SMAP2: variants seen among roughly 807,000 people sequenced by gnomAD.
The protein encoded by SMAP2 is stromal membrane-associated protein 2.
Under a neutral mutation model 56.4 loss-of-function variants are expected in SMAP2, and 25 were observed. The ratio of observed to expected loss-of-function variants is 0.44; its 90% CI spans 0.32 to 0.62. The LOEUF is 0.62. Ranked by LOEUF, SMAP2 falls within the 20% of genes least tolerant of loss-of-function variation. The pLI, the probability that SMAP2 is intolerant of heterozygous loss-of-function variation, is 0.04. For synonymous variants in SMAP2, 157 were observed against 181.7 expected (o/e 0.86, Z 1.09); for missense variants, 388 against 545.6 (o/e 0.71, Z 2.88).
At chr1:40,414,361 C>T (rs1644966865) in intron 6 of SMAP2, 121 bp downstream of exon 6, 1 of 846,096 alleles carries the variant, frequency 1.2e-6, no homozygotes, top group Non-Finnish European at 1.9e-6. Context: ...ACTGTTCTCT[C>T]ACATTCTTCC....
At chr1:40,377,356 C>T (rs1020933573) in intron 1 of SMAP2, among the ~76,000 whole-genome samples, 1 of 152,154 alleles carries the variant, frequency 6.6e-6, no homozygotes, top group Non-Finnish European at 1.5e-5. Context: ...CTTTTTACTT[C>T]GTACAAGTTT....
intron 1 of SMAP2, among the ~76,000 whole-genome samples, chr1:40,347,789 C>A (rs893197669): frequency 5.3e-5 from 8 of 152,158 alleles, no homozygotes; most frequent in Admixed American, 4.6e-4. Context: ...ATTTGTGGTA[C>A]ATATTCTTCC....
chr1:40,364,583 A>G (rs1644474036), intron 2 of SMAP2, among the ~76,000 whole-genome samples: 1 of 152,156 alleles, frequency 6.6e-6, no homozygotes, highest in African/African-American at 2.4e-5. Flanking sequence ...TCTCTACAAA[A>G]AATACACAAA....
chr1:40,374,022 C>T lies in SMAP2; in HGVS notation c.-99C>T. On this transcript the variant is annotated 5_prime_UTR_variant, in exon 1 of 10. Transcript: ENST00000372718. This position sits in a 1 kb window ranked among gnomAD's most constrained non-coding sequence, Gnocchi z 5.9. ...GGGCTCTCCCCGCTCAGGAGGTGCC[C>T]CTGGGCGGGGGACCGGGAGTCCTCA... is the stretch of plus-strand genomic sequence containing the variant. 2 of 904,818 alleles carry T rather than the reference C, an allele frequency of 2.2e-6. No individual in the cohort carries two copies. The highest frequency in any genetic ancestry group is 1.5e-5 in the South Asian group (1 of 68,742). The allele number at this position is 904,818 out of a possible 1,614,324, so 56.0% of individuals were successfully genotyped here. A position where few individuals can be genotyped will look rare whatever the true frequency, so the allele number is the denominator to read the frequency against.
intron 1 of SMAP2, among the ~76,000 whole-genome samples, chr1:40,404,164 ATT>A (rs1177210388): frequency 6.6e-6 from 1 of 152,148 alleles, no homozygotes; most frequent in Non-Finnish European, 1.5e-5. Flanking sequence ...TATAAGTAAC[ATT>A]TGTCTCTTTT....
At chr1:40,349,430 C>G (rs1644401359) in intron 1 of SMAP2, among the ~76,000 whole-genome samples, 1 of 152,226 alleles carries the variant, frequency 6.6e-6, no homozygotes, top group South Asian at 2.1e-4. Context: ...TATCTTGCCT[C>G]AAGTCACACA....
In SMAP2 at chr1:40,360,239, C is replaced by G. The variant is rs1017309509; in HGVS notation, c.-82-2061C>G. Among the ~76,000 whole-genome samples the G allele has an allele frequency of 5.9e-5, 9 of 151,270 alleles. No homozygotes were observed. The South Asian group carries it at 1.2e-3, about 21-fold the overall frequency. On this transcript the variant is annotated intron_variant, in intron 1 of 6. Coordinates refer to the SMAP2 transcript ENST00000435168. ...GCCAGGATGGTCTCGATCTCCTGACCTCATGATCCGCCTGCCTCGGCCTCC... is the reference window on the plus strand; with the variant it reads ...GCCAGGATGGTCTCGATCTCCTGACGTCATGATCCGCCTGCCTCGGCCTCC...
intron 1 of SMAP2, among the ~76,000 whole-genome samples, chr1:40,387,028 T>G (rs1644663468): frequency 6.6e-6 from 1 of 152,090 alleles, no homozygotes; most frequent in Non-Finnish European, 1.5e-5. Flanking sequence ...AATTTTTGTA[T>G]TTTTAGTACA....
chr1:40,395,878 T>C (rs1415188977), intron 1 of SMAP2, among the ~76,000 whole-genome samples: 2 of 152,232 alleles, frequency 1.3e-5, no homozygotes, highest in Non-Finnish European at 2.9e-5. Flanking sequence ...AGTTAACTGC[T>C]GAATTAGTTT....
chr1:40,417,230 T>C, intron 9 of SMAP2, 134 bp downstream of exon 9: 2 of 249,516 alleles, frequency 8.0e-6, no homozygotes, highest in South Asian at 9.4e-5. Flanking sequence ...TAGGTTTGCT[T>C]TTTTTTTTTT....
At position 40,393,865 on chromosome 1, in the gene SMAP2, G is replaced by A. The variant is rs140294019; in HGVS notation, c.104-12871G>A. On this transcript the variant is annotated intron_variant, in intron 1 of 9. Transcript: ENST00000372718. ...CGGCCACTTCTAACCTTTTTAAGGA[G>A]TATTTGCGTGAACAGAATCAATGAG... 4.0e-3 allele frequency among the ~76,000 whole-genome samples: 610 copies of A among 152,242 alleles called. 4 individuals carry two copies. Among genetic ancestry groups the A allele is most frequent in the African/African-American group, 0.014 (582 of 41,534 alleles).
chr1:40,410,612 C>G (rs16827281), intron 4 of SMAP2, among the ~76,000 whole-genome samples: 8,199 of 152,108 alleles, frequency 0.054, 360 homozygotes, highest in East Asian at 0.19. Flanking sequence ...GGACTGATTG[C>G]CAATGGGACC....
rs564453534 is a variant in SMAP2, at chr1:40,411,764, TGTC to T, written c.403-1249_403-1247del. On this transcript the variant is annotated intron_variant, in intron 4 of 9. Transcript: ENST00000372718. ...TAAAACATTTTTAACTTAAATGAAA[TGTC>T]GTGTTAAAGACATACACTTTGTATG... Among the ~76,000 whole-genome samples the T allele has an allele frequency of 1.2e-3, 183 of 152,330 alleles. No homozygotes were observed. In the South Asian group the frequency reaches 0.036, roughly 30 times the overall value.
intron 1 of SMAP2, among the ~76,000 whole-genome samples, chr1:40,382,774 G>A (rs138372572): frequency 2.6e-4 from 39 of 152,308 alleles, no homozygotes; most frequent in African/African-American, 9.4e-4. Context: ...TAAGCTAGGG[G>A]GCAGGGGCCT....
At chr1:40,413,129 TG>T in intron 5 of SMAP2, 27 bp downstream of exon 5, 1 of 1,541,392 alleles carries the variant, frequency 6.5e-7, no homozygotes, top group Non-Finnish European at 9.0e-7. Context: ...TTGCACTGTA[TG>T]GACAGCCTCA....
chr1:40,350,489 T>C (rs979345225), intron 1 of SMAP2, among the ~76,000 whole-genome samples: 1 of 152,210 alleles, frequency 6.6e-6, no homozygotes, highest in Non-Finnish European at 1.5e-5. Context: ...CTGGCAACGA[T>C]GGGTGACCCA....
chr1:40,378,945 A>G (rs1321410827), intron 1 of SMAP2, among the ~76,000 whole-genome samples: 1 of 151,868 alleles, frequency 6.6e-6, no homozygotes, highest in Non-Finnish European at 1.5e-5. Flanking sequence ...ACTCCGTGGA[A>G]GTAACAATTG....
chr1:40,349,622 G>C (rs1047262585), intron 1 of SMAP2, among the ~76,000 whole-genome samples: 23 of 152,122 alleles, frequency 1.5e-4, no homozygotes, highest in Admixed American at 4.6e-4. Flanking sequence ...GGGTTCAAGT[G>C]ATTCTCGTGC....
At chr1:40,389,391 G>A (rs1644693898) in intron 1 of SMAP2, among the ~76,000 whole-genome samples, 1 of 152,146 alleles carries the variant, frequency 6.6e-6, no homozygotes, top group Admixed American at 6.5e-5. Flanking sequence ...CTTAATGCAC[G>A]GTGTCTGGCA....
Sources: allele counts gnomAD v4.1 joint callset (sites outside exome capture counted in the v4.1 genomes callset), GRCh38; gene constraint gnomAD v4.1.1; non-coding constraint Gnocchi (gnomAD v3.1); transcripts MANE v1.5; gene names NCBI Gene and HGNC (gene_info 2026-07-23, HGNC 2026-07-21).